The following CSTPP1 variants were observed in gnomAD, a reference collection of about 807,000 sequenced individuals.
The protein encoded by CSTPP1 is UPF0705 protein C11orf49.
the CSTPP1 span, among the ~76,000 whole-genome samples, chr11:47,101,185 T>A: frequency 2.5e-3 from 261 of 102,364 alleles, 1 homozygote; most frequent in African/African-American, 8.9e-3. Context: ...TTTTTTTTTT[T>A]TTTTATTTTA....
the CSTPP1 span, among the ~76,000 whole-genome samples, chr11:46,973,631 C>A: frequency 4.6e-5 from 7 of 152,038 alleles, no homozygotes; most frequent in Non-Finnish European, 8.8e-5. Context: ...TGAATCAGTC[C>A]CATTTAAGTA....
At chr11:47,100,190 G>A in the CSTPP1 span, among the ~76,000 whole-genome samples, 1 of 152,026 alleles carries the variant, frequency 6.6e-6, no homozygotes, top group East Asian at 1.9e-4. Flanking sequence ...CTTCTTTGAG[G>A]CAAGATATGA....
chr11:47,005,788 C>T, the CSTPP1 span, among the ~76,000 whole-genome samples: 1 of 152,094 alleles, frequency 6.6e-6, no homozygotes, highest in Non-Finnish European at 1.5e-5. Context: ...TTCCATGTTA[C>T]ATAATTGTTG....
chr11:47,043,722 T>A, the CSTPP1 span, among the ~76,000 whole-genome samples: 1 of 151,842 alleles, frequency 6.6e-6, no homozygotes, highest in South Asian at 2.1e-4. Flanking sequence ...CAGGTTGAGG[T>A]GGCTCACACC....
chr11:47,043,271 C>A, the CSTPP1 span, among the ~76,000 whole-genome samples: 1 of 152,104 alleles, frequency 6.6e-6, no homozygotes, highest in Non-Finnish European at 1.5e-5. Context: ...TAGCCAGGTG[C>A]GGTGGTGCAC....
chr11:46,984,127 A>G, the CSTPP1 span, among the ~76,000 whole-genome samples: 1 of 152,216 alleles, frequency 6.6e-6, no homozygotes, highest in Non-Finnish European at 1.5e-5. Flanking sequence ...TACTATCAAC[A>G]TACATTCCTG....
the CSTPP1 span, among the ~76,000 whole-genome samples, chr11:47,074,944 G>C: frequency 3.9e-5 from 6 of 152,276 alleles, no homozygotes; most frequent in African/African-American, 1.4e-4. Context: ...AAAAGAATAA[G>C]GAGAATATAG....
the CSTPP1 span, among the ~76,000 whole-genome samples, chr11:47,022,099 C>G: frequency 6.6e-6 from 1 of 150,618 alleles, no homozygotes; most frequent in Non-Finnish European, 1.5e-5. Context: ...AAGGTAATAT[C>G]CCATGAAGGG....
the CSTPP1 span, among the ~76,000 whole-genome samples, chr11:47,079,221 G>A: frequency 5.9e-5 from 9 of 152,166 alleles, no homozygotes; most frequent in African/African-American, 1.2e-4. Context: ...ATATCAAAAA[G>A]ATCTGTAGCT....
chr11:47,038,110 C>CA, the CSTPP1 span, among the ~76,000 whole-genome samples: 14 of 59,194 alleles, frequency 2.4e-4, 1 homozygote, highest in African/African-American at 5.9e-4. Flanking sequence ...GGGCTGACCC[C>CA]CCCACCTCCC....
chr11:47,160,084 T>C, the CSTPP1 span: 8 of 202,076 alleles, frequency 4.0e-5, no homozygotes, highest in Non-Finnish European at 6.0e-5. Context: ...AGAGGATTGC[T>C]TGAGCCCAGG....
the CSTPP1 span, among the ~76,000 whole-genome samples, chr11:47,079,967 C>A: frequency 6.6e-6 from 1 of 152,080 alleles, no homozygotes; most frequent in Admixed American, 6.6e-5. Flanking sequence ...CATGGTTGCA[C>A]ACACCTGTAA....
the CSTPP1 span, among the ~76,000 whole-genome samples, chr11:47,122,069 CAAAAAAA>C: frequency 0.034 from 744 of 21,952 alleles, 28 homozygotes; most frequent in African/African-American, 0.14. Flanking sequence ...GACCCTGTCT[CAAAAAAA>C]AAAAAAAAAA....
the CSTPP1 span, among the ~76,000 whole-genome samples, chr11:47,125,301 T>C: frequency 6.6e-6 from 1 of 152,200 alleles, no homozygotes; most frequent in African/African-American, 2.4e-5. Context: ...TCATCATTGG[T>C]GGAAGCTAGT....
chr11:47,084,931 T>A, the CSTPP1 span, among the ~76,000 whole-genome samples: 2 of 152,160 alleles, frequency 1.3e-5, no homozygotes, highest in African/African-American at 4.8e-5. Flanking sequence ...ACGCCTGTAA[T>A]CCCAGCACTT....
chr11:46,945,081 T>A, the CSTPP1 span, among the ~76,000 whole-genome samples: 1 of 152,194 alleles, frequency 6.6e-6, no homozygotes, highest in East Asian at 1.9e-4. Flanking sequence ...TCCAGACACA[T>A]TCTATTTTTT....
the CSTPP1 span, among the ~76,000 whole-genome samples, chr11:47,121,990 C>T: frequency 6.9e-6 from 1 of 145,094 alleles, no homozygotes; most frequent in Non-Finnish European, 1.5e-5. Flanking sequence ...AGGATCACTT[C>T]AGCCCAGGAA....
the CSTPP1 span, among the ~76,000 whole-genome samples, chr11:47,028,994 T>C: frequency 1.3e-5 from 2 of 151,872 alleles, no homozygotes; most frequent in Admixed American, 6.6e-5. Flanking sequence ...CAGGCCACCA[T>C]GCCCAGCTAA....
the CSTPP1 span, among the ~76,000 whole-genome samples, chr11:47,121,104 A>C: frequency 2.6e-5 from 4 of 152,212 alleles, no homozygotes; most frequent in African/African-American, 9.6e-5. Flanking sequence ...CTCTGCTGGA[A>C]AAGATCATTG....
Sources: gnomAD v4.1 joint callset for allele counts (sites outside exome capture counted in the v4.1 genomes callset) on GRCh38, gnomAD v4.1.1 for gene constraint, MANE v1.5 for transcripts, NCBI Gene and HGNC (gene_info 2026-07-23, HGNC 2026-07-21) for gene names.